The following PLPPR1 variants were observed in gnomAD, a reference collection of about 807,000 sequenced individuals.
PLPPR1 encodes the protein phospholipid phosphatase related 1.
PLPPR1 carries 10 observed loss-of-function variants against 33.1 expected under a neutral mutation model. That is an observed-to-expected ratio of 0.30 (90% CI 0.19 to 0.51). The LOEUF (loss-of-function observed/expected upper bound fraction) is 0.51, where lower values mean the gene tolerates loss of function less well. PLPPR1 is among the 20% of genes least tolerant of loss of function. The pLI, the probability that PLPPR1 is intolerant of heterozygous loss-of-function variation, is 0.97. For missense variants in PLPPR1, 304 were observed against 408.1 expected, an observed-to-expected ratio of 0.74 and a Z score of 2.20; for synonymous variants, 151 against 151.0, an observed-to-expected ratio of 1.00 and a Z score of 0.00.
chr9:101,097,380 G>T lies in PLPPR1; in HGVS notation c.-46+68278G>T, dbSNP rs1461529095. ...TCTAAGTGAACATGTTAACATTTAA[G>T]GGACAAATGTATCACCCAAACAAGT... On this transcript the variant is annotated intron_variant, in intron 1 of 7. Transcript: ENST00000374874. Among the ~76,000 whole-genome samples the T allele has an allele frequency of 2.6e-5, 4 of 152,168 alleles. No homozygotes were observed. The East Asian group carries it at 7.7e-4, about 29-fold the overall frequency.
chr9:101,280,011 A>G (rs1486198825), intron 3 of PLPPR1, among the ~76,000 whole-genome samples: 1 of 152,176 alleles, frequency 6.6e-6, no homozygotes, highest in African/African-American at 2.4e-5. Context: ...TTAAATGAAA[A>G]GTTGGTTTTT....
intron 2 of PLPPR1, among the ~76,000 whole-genome samples, chr9:101,243,550 G>A (rs551372678): frequency 1.3e-5 from 2 of 152,108 alleles, no homozygotes; most frequent in South Asian, 4.1e-4. Flanking sequence ...TTGAGTAACT[G>A]TATAGATAGT....
chr9:101,192,073 G>C (rs1032960102), intron 2 of PLPPR1, among the ~76,000 whole-genome samples: 1 of 152,070 alleles, frequency 6.6e-6, no homozygotes, highest in Non-Finnish European at 1.5e-5. Flanking sequence ...CTTTCTCTGG[G>C]GCCAGAACTT....
At chr9:101,272,073 A>ATATTTTCATT in intron 3 of PLPPR1, among the ~76,000 whole-genome samples, 1 of 152,178 alleles carries the variant, frequency 6.6e-6, no homozygotes. Context: ...CTTAAGACTT[A>ATATTTTCATT]TTTAAGTTGT....
chr9:101,269,810 T>C (rs1828061099), intron 2 of PLPPR1, 70 bp from the exon 3 acceptor site: 1 of 1,438,752 alleles, frequency 7.0e-7, no homozygotes, highest in African/African-American at 1.4e-5. Flanking sequence ...ATGGAGGGAG[T>C]GTGCTCTGAG....
At chr9:101,111,087 T>C (rs1043800159) in intron 1 of PLPPR1, among the ~76,000 whole-genome samples, 1 of 152,226 alleles carries the variant, frequency 6.6e-6, no homozygotes. Flanking sequence ...CTTGGAAAAG[T>C]ATGGACAGTG....
Position 101,309,268 on chromosome 9 carries a change from T to C in PLPPR1, c.443T>C (p.Val148Ala), listed in dbSNP as rs1564033868. 6.2e-7 allele frequency: 1 copy of C among 1,614,124 alleles called. No homozygotes were observed. The highest frequency in any genetic ancestry group is 8.5e-7 in the Non-Finnish European group (1 of 1,180,014). The change falls in exon 5 of 8, where the codon GTC becomes GCC. Residue 148 changes from valine (V) to alanine (A), a missense_variant. Coordinates refer to ENST00000374874, the MANE Select transcript of PLPPR1 (RefSeq NM_207299.2). The stretch of plus-strand genomic sequence containing the variant: ...ATTTTTGTAAACGCCGGACAAGTGG[T>C]CACTGGGCACTTAACGCCATACTTC... ...TDIFVNAGQV[V>A]TGHLTPYFLT...
chr9:101,323,950 T>C, intron 7 of PLPPR1, 75 bp from the exon 8 acceptor site: 3 of 1,270,310 alleles, frequency 2.4e-6, no homozygotes, highest in Non-Finnish European at 3.4e-6. Flanking sequence ...AACAAGGGAA[T>C]ATTTAGGGAC....
chr9:101,130,774 G>A (rs1831304746), intron 1 of PLPPR1, among the ~76,000 whole-genome samples: 1 of 152,198 alleles, frequency 6.6e-6, no homozygotes, highest in South Asian at 2.1e-4. Context: ...GTGTTCAGAT[G>A]TTCTCAGTAG....
At chr9:101,038,866 G>T (rs1255054319) in intron 1 of PLPPR1, among the ~76,000 whole-genome samples, 1 of 151,970 alleles carries the variant, frequency 6.6e-6, no homozygotes, top group Non-Finnish European at 1.5e-5. Flanking sequence ...TCCATGGCCT[G>T]ATATTCTCAC....
At chr9:101,090,912 C>A (rs2118531505) in intron 1 of PLPPR1, among the ~76,000 whole-genome samples, 1 of 151,874 alleles carries the variant, frequency 6.6e-6, no homozygotes, top group Non-Finnish European at 1.5e-5. Flanking sequence ...TTCCACTGTT[C>A]TTCATGGTTG....
At chr9:101,120,272 G>A (rs942807202) in intron 1 of PLPPR1, among the ~76,000 whole-genome samples, 1 of 152,200 alleles carries the variant, frequency 6.6e-6, no homozygotes, top group African/African-American at 2.4e-5. Context: ...GTTGTTGTGA[G>A]TTCCTATTGT....
intron 2 of PLPPR1, among the ~76,000 whole-genome samples, chr9:101,257,237 C>T (rs1214566185): frequency 2.6e-5 from 4 of 152,114 alleles, no homozygotes; most frequent in Admixed American, 6.6e-5. Context: ...TCCCCACACT[C>T]CCTCTTCTTT....
chr9:101,211,712 T>TATG (rs1312780915), intron 2 of PLPPR1, among the ~76,000 whole-genome samples: 1 of 152,240 alleles, frequency 6.6e-6, no homozygotes, highest in Non-Finnish European at 1.5e-5. Context: ...AATGGGCTCA[T>TATG]ATGATGAAAA....
intron 2 of PLPPR1, among the ~76,000 whole-genome samples, chr9:101,247,673 A>G (rs1020642870): frequency 2.6e-5 from 4 of 152,130 alleles, no homozygotes; most frequent in Admixed American, 6.5e-5. Context: ...AGCATTTACC[A>G]TGTACCAGAC....
chr9:101,116,401 C>T (rs992531353), intron 1 of PLPPR1, among the ~76,000 whole-genome samples: 7 of 152,174 alleles, frequency 4.6e-5, no homozygotes, highest in African/African-American at 1.7e-4. Context: ...AGGTAGCGGT[C>T]CCATATCAGC....
intron 1 of PLPPR1, among the ~76,000 whole-genome samples, chr9:101,044,256 C>T (rs1212086749): frequency 6.6e-6 from 1 of 152,190 alleles, no homozygotes; most frequent in Non-Finnish European, 1.5e-5. Context: ...TATTTGTCTG[C>T]TCTCTTGCGT....
chr9:101,090,986 C>G (rs986885958), intron 1 of PLPPR1, among the ~76,000 whole-genome samples: 13 of 151,448 alleles, frequency 8.6e-5, no homozygotes, highest in Admixed American at 6.6e-4. Context: ...TTTTCTTCTT[C>G]CCCCCTCCAC....
At chr9:101,091,719 G>T (rs980087933) in intron 1 of PLPPR1, among the ~76,000 whole-genome samples, 2 of 152,070 alleles carry the variant, frequency 1.3e-5, no homozygotes, top group African/African-American at 4.8e-5. Context: ...CTGGGGATTC[G>T]TCCAGGGACA....
Sources: gnomAD v4.1 joint callset for allele counts (sites outside exome capture counted in the v4.1 genomes callset) on GRCh38, gnomAD v4.1.1 for gene constraint, MANE v1.5 for transcripts, NCBI Gene and HGNC (gene_info 2026-07-23, HGNC 2026-07-21) for gene names.